Variants in HACD2 observed in about 807,000 individuals in gnomAD.
HACD2 encodes 3-hydroxyacyl-CoA dehydratase 2.
A neutral mutation model predicts 31.0 loss-of-function variants in HACD2; 15 were observed. The ratio of observed to expected loss-of-function variants is 0.48; its 90% CI spans 0.32 to 0.75. The LOEUF is 0.75. HACD2 is among the 30% of genes least tolerant of loss of function. The pLI is 0.03. For synonymous variants in HACD2, 115 were observed against 122.2 expected, an observed-to-expected ratio of 0.94 and a Z score of 0.39; for missense variants, 283 against 313.0, an observed-to-expected ratio of 0.90 and a Z score of 0.72.
intron 4 of HACD2, among the ~76,000 whole-genome samples, chr3:123,512,313 A>G (rs548453538): frequency 6.6e-6 from 1 of 152,334 alleles, no homozygotes; most frequent in African/African-American, 2.4e-5. Context: ...TTAAAAAAAG[A>G]AAACAGGAAA....
chr3:123,535,351 A>G (rs16834407), intron 3 of HACD2, among the ~76,000 whole-genome samples: 14,926 of 152,258 alleles, frequency 0.098, 1,046 homozygotes, highest in African/African-American at 0.2. Flanking sequence ...GGCTAACATG[A>G]TAACAAGAGA....
At chr3:123,559,517 T>C (rs926359259) in intron 3 of HACD2, among the ~76,000 whole-genome samples, 7 of 152,190 alleles carry the variant, frequency 4.6e-5, no homozygotes, top group Non-Finnish European at 8.8e-5. Flanking sequence ...CGAGTGGCTG[T>C]AAGGAATGAT....
chr3:123,584,780 G>A, intron 1 of HACD2, 93 bp downstream of exon 1: 1 of 1,043,912 alleles, frequency 9.6e-7, no homozygotes, highest in Non-Finnish European at 1.3e-6. Context: ...ACTGCCTGCG[G>A]CGGGCCGCGC....
intron 4 of HACD2, among the ~76,000 whole-genome samples, chr3:123,525,819 A>G (rs976805595): frequency 6.6e-6 from 1 of 152,252 alleles, no homozygotes; most frequent in African/African-American, 2.4e-5. Context: ...GTTATTTCTA[A>G]GGTCAATTTC....
chr3:123,538,313 A>G (rs999652910), intron 3 of HACD2, among the ~76,000 whole-genome samples: 6 of 152,238 alleles, frequency 3.9e-5, no homozygotes, highest in African/African-American at 1.2e-4. Context: ...TATGGTATTT[A>G]TAAGTTCTGT....
Position 123,584,957 on chromosome 3 carries a change from TC to T in HACD2, c.70del (p.Asp24ThrfsTer25). The T allele has an allele frequency of 3.3e-6, 5 of 1,527,644 alleles. No individual in the cohort carries two copies. The highest frequency in any genetic ancestry group is 5.4e-5 in the East Asian group (2 of 37,256). The allele number at this position is 1,527,644 out of a possible 1,614,324, so 94.6% of individuals were successfully genotyped here. A position where few individuals can be genotyped will look rare whatever the true frequency, so the allele number is the denominator to read the frequency against. ...GGGGGRAGAG[D>X]ASGTRKKKGP... ...CTTCTTCTTCCGCGTGCCGCTGGCG[TC>T]CCCGGCCCCGGCCCTGCCACCGCCG... On this transcript the variant is annotated frameshift_variant, in exon 1 of 7. Coordinates refer to ENST00000383657, the MANE Select transcript of HACD2 (RefSeq NM_198402.5). LOFTEE classifies it high-confidence loss of function.
At chr3:123,569,814 C>T (rs1022428853) in intron 2 of HACD2, among the ~76,000 whole-genome samples, 1 of 151,626 alleles carries the variant, frequency 6.6e-6, no homozygotes, top group African/African-American at 2.4e-5. Flanking sequence ...ATGGTGAAAC[C>T]CCATCTCTAC....
At chr3:123,534,692 A>G (rs2107713056) in intron 3 of HACD2, among the ~76,000 whole-genome samples, 1 of 152,124 alleles carries the variant, frequency 6.6e-6, no homozygotes, top group Non-Finnish European at 1.5e-5. Flanking sequence ...GTTATAGGAG[A>G]TGGCAGCTCC....
In HACD2 at chr3:123,582,604, C is replaced by A. The variant is rs190361014; in HGVS notation, c.156-275G>T. On this transcript the variant is annotated intron_variant, in intron 1 of 6. Transcript: ENST00000383657. ...GGCAACTTTGCTATTGAGATCAAGG[C>A]CAAAAGGAAAGGAATAAGCTAAAAT... Among the ~76,000 whole-genome samples, 24 of 151,998 alleles carry A rather than the reference C, an allele frequency of 1.6e-4. No homozygotes were observed. The East Asian group carries it at 4.4e-3, about 28-fold the overall frequency.
chr3:123,508,645 A>G (rs1443520447), intron 4 of HACD2, among the ~76,000 whole-genome samples: 1 of 152,204 alleles, frequency 6.6e-6, no homozygotes, highest in African/African-American at 2.4e-5. Flanking sequence ...CTTTACAGCA[A>G]GCATTCTTTC....
chr3:123,565,792 A>C (rs879401033), intron 3 of HACD2, among the ~76,000 whole-genome samples: 3 of 152,190 alleles, frequency 2.0e-5, no homozygotes, highest in Non-Finnish European at 2.9e-5. Flanking sequence ...ATATCCCCCA[A>C]TCTGCTAGGA....
intron 3 of HACD2, among the ~76,000 whole-genome samples, chr3:123,557,552 T>A (rs1012249420): frequency 6.6e-6 from 1 of 152,030 alleles, no homozygotes; most frequent in Non-Finnish European, 1.5e-5. Context: ...GGCAGGAGGA[T>A]CACTTGAGCC....
intron 3 of HACD2, 103 bp from the exon 4 acceptor site, chr3:123,528,577 G>T (rs1219068951): frequency 4.0e-6 from 3 of 744,064 alleles, no homozygotes; most frequent in Non-Finnish European, 6.9e-6. Context: ...AGTCAAAACG[G>T]TCTTGAGCAA....
chr3:123,511,082 T>C (rs1347909059), intron 4 of HACD2, among the ~76,000 whole-genome samples: 1 of 152,176 alleles, frequency 6.6e-6, no homozygotes, highest in Non-Finnish European at 1.5e-5. Context: ...CTGTTTTATA[T>C]CTTCTTTGGG....
intron 4 of HACD2, among the ~76,000 whole-genome samples, chr3:123,519,020 A>G (rs887911776): frequency 4.1e-5 from 6 of 147,212 alleles, no homozygotes; most frequent in Non-Finnish European, 7.4e-5. Flanking sequence ...AAAAAAAAAA[A>G]GCAGAGCAAG....
At chr3:123,571,723 C>A (rs1035349018) in intron 2 of HACD2, among the ~76,000 whole-genome samples, 6 of 152,266 alleles carry the variant, frequency 3.9e-5, no homozygotes, top group Admixed American at 3.9e-4. Flanking sequence ...GACCCCCGAG[C>A]AAAGAACCCA....
At chr3:123,520,435 C>T (rs561367450) in intron 4 of HACD2, among the ~76,000 whole-genome samples, 1 of 152,266 alleles carries the variant, frequency 6.6e-6, no homozygotes, top group East Asian at 1.9e-4. Flanking sequence ...TCACATGTGG[C>T]TATTTAAAAT....
chr3:123,497,599 C>A (rs2055849271), intron 6 of HACD2, among the ~76,000 whole-genome samples: 1 of 152,206 alleles, frequency 6.6e-6, no homozygotes, highest in African/African-American at 2.4e-5. Context: ...ATGTATCTTG[C>A]CCTTTTTTGG....
At chr3:123,569,097 G>A (rs1281594491) in intron 2 of HACD2, among the ~76,000 whole-genome samples, 3 of 152,026 alleles carry the variant, frequency 2.0e-5, no homozygotes, top group African/African-American at 7.3e-5. Flanking sequence ...TGTGGGGGAG[G>A]GATGTGGGGA....
Sources: allele counts gnomAD v4.1 joint callset (sites outside exome capture counted in the v4.1 genomes callset), GRCh38; gene constraint gnomAD v4.1.1; transcripts MANE v1.5; gene names NCBI Gene and HGNC (gene_info 2026-07-23, HGNC 2026-07-21).